CES1: variants seen among roughly 807,000 people sequenced by gnomAD.
CES1 encodes liver carboxylesterase 1.
Under a neutral mutation model 53.0 loss-of-function variants are expected in CES1, and 50 were observed. That is an observed-to-expected ratio of 0.94 (90% CI 0.75 to 1.19). CES1 has a LOEUF of 1.19. Ranked by LOEUF, CES1 falls within the 50% of genes most tolerant of loss-of-function variation. The probability of loss-of-function intolerance (pLI) is 0.00; values close to 1 mark genes in which losing one functional copy is unlikely to be tolerated. For synonymous variants in CES1, 202 were observed against 210.1 expected (o/e 0.96, Z 0.33); for missense variants, 534 against 538.0 (o/e 0.99, Z 0.07).
chr16:55,832,867 A>G, intron 1 of CES1, 137 bp downstream of exon 1: 1 of 869,204 alleles, frequency 1.2e-6, no homozygotes, highest in Non-Finnish European at 1.9e-6. Context: ...CTCCAAGTCC[A>G]AGTCCTAATA....
At chr16:55,814,635 C>A (rs1410419781) in intron 8 of CES1, among the ~76,000 whole-genome samples, 1 of 152,228 alleles carries the variant, frequency 6.6e-6, no homozygotes, top group African/African-American at 2.4e-5. Context: ...GTGGGTCCCT[C>A]TCATAGACAC....
intron 4 of CES1, among the ~76,000 whole-genome samples, chr16:55,823,096 A>C (rs1876477744): frequency 6.6e-6 from 1 of 152,000 alleles, no homozygotes; most frequent in Non-Finnish European, 1.5e-5. Flanking sequence ...CACCATCTGC[A>C]GCCCCCATTC....
At chr16:55,817,360 C>G (rs1269335656) in intron 7 of CES1, among the ~76,000 whole-genome samples, 5 of 152,180 alleles carry the variant, frequency 3.3e-5, no homozygotes, top group Non-Finnish European at 5.9e-5. Context: ...CTGGACCCAG[C>G]CATGCCTGAA....
chr16:55,823,236 G>T (rs1421613095), intron 4 of CES1, among the ~76,000 whole-genome samples: 3 of 151,958 alleles, frequency 2.0e-5, no homozygotes, highest in Non-Finnish European at 4.4e-5. Context: ...AAAGCAATGT[G>T]CTGGAGAAAC....
At chr16:55,812,589 C>T (rs1296937027) in intron 9 of CES1, among the ~76,000 whole-genome samples, 3 of 152,180 alleles carry the variant, frequency 2.0e-5, no homozygotes, top group Non-Finnish European at 4.4e-5. Flanking sequence ...TCCACTCCTT[C>T]CCCCTTCTAG....
chr16:55,819,209 C>T (rs1373265312), intron 7 of CES1, among the ~76,000 whole-genome samples: 1 of 152,220 alleles, frequency 6.6e-6, no homozygotes, highest in African/African-American at 2.4e-5. Context: ...TTAATATCTC[C>T]ATCCCCCAAA....
chr16:55,825,060 C>G (rs2032362540), intron 3 of CES1, among the ~76,000 whole-genome samples: 1 of 152,206 alleles, frequency 6.6e-6, no homozygotes, highest in East Asian at 1.9e-4. Flanking sequence ...TATGTCTCTA[C>G]AGCCCAGAAG....
chr16:55,817,758 CTG>C (rs370816548), intron 7 of CES1, among the ~76,000 whole-genome samples: 10 of 145,752 alleles, frequency 6.9e-5, no homozygotes, highest in African/African-American at 2.2e-4. Context: ...GTGTGTGTGT[CTG>C]TGTGTGTGTG....
At chr16:55,813,365 A>G (rs1291782138) in intron 8 of CES1, among the ~76,000 whole-genome samples, 1 of 152,034 alleles carries the variant, frequency 6.6e-6, no homozygotes, top group Non-Finnish European at 1.5e-5. Context: ...TCCACAATTG[A>G]TTTTCGGTAG....
intron 3 of CES1, among the ~76,000 whole-genome samples, chr16:55,825,453 A>C (rs2032380188): frequency 6.6e-6 from 1 of 152,226 alleles, no homozygotes; most frequent in Non-Finnish European, 1.5e-5. Context: ...TTTATTTGGG[A>C]AATTCTGACT....
chr16:55,816,120 A>T lies in CES1; in HGVS notation c.945+804T>A, dbSNP rs2031932804. The stretch of plus-strand genomic sequence containing the variant: ...CATTGAACCATTCCCTGATCCTGCT[A>T]CTTAAATTGAAGCCACCCACAAACT... On this transcript the variant is annotated intron_variant, in intron 8 of 13. Coordinates refer to ENST00000360526, the MANE Select transcript of CES1 (RefSeq NM_001025195.2). 3.3e-5 allele frequency among the ~76,000 whole-genome samples: 5 copies of T among 152,390 alleles called. No individual in the cohort carries two copies. The South Asian group carries it at 1.0e-3, about 32-fold the overall frequency.
At chr16:55,821,291 T>A in intron 5 of CES1, 77 bp downstream of exon 5, 1 of 1,569,138 alleles carries the variant, frequency 6.4e-7, no homozygotes, top group Non-Finnish European at 8.8e-7. Flanking sequence ...TATCCATAGC[T>A]GGATTGACAG....
At chr16:55,810,473 G>A (rs762030605) in intron 11 of CES1, 44 bp downstream of exon 11, 2 of 1,613,218 alleles carry the variant, frequency 1.2e-6, no homozygotes, top group Non-Finnish European at 8.5e-7. Context: ...AGATACAGAA[G>A]CTCGTGGGGT....
At chr16:55,826,410 G>A (rs1483326001) in intron 2 of CES1, 115 bp from the exon 3 acceptor site, 18 of 1,292,964 alleles carry the variant, frequency 1.4e-5, no homozygotes, top group Admixed American at 3.4e-5. Context: ...GATAGTTACA[G>A]ACTCACGACA....
intron 8 of CES1, among the ~76,000 whole-genome samples, chr16:55,813,838 C>T (rs1374227962): frequency 1.3e-5 from 2 of 152,222 alleles, no homozygotes; most frequent in Non-Finnish European, 2.9e-5. Flanking sequence ...ACACACGGCA[C>T]TAAATAGACC....
intron 11 of CES1, among the ~76,000 whole-genome samples, chr16:55,810,191 C>A (rs553302315): frequency 1.1e-4 from 16 of 152,250 alleles, no homozygotes; most frequent in South Asian, 2.1e-4. Context: ...TGAGTTTCCC[C>A]GCTCCAGTTG....
chr16:55,820,904 G>T (rs1375951397), intron 5 of CES1, among the ~76,000 whole-genome samples: 2 of 152,114 alleles, frequency 1.3e-5, no homozygotes, highest in Non-Finnish European at 2.9e-5. Context: ...GGAATTCCCA[G>T]CCTGCTCAGT....
chr16:55,811,666 G>C (rs1488252566), intron 9 of CES1, among the ~76,000 whole-genome samples: 1 of 152,148 alleles, frequency 6.6e-6, no homozygotes, highest in Admixed American at 6.5e-5. Context: ...AATTTACTCT[G>C]CTCCAGCCAA....
At position 55,810,571 on chromosome 16, in the gene CES1, T is replaced by G; in HGVS notation, c.1264A>C (p.Ile422Leu). 1 of 1,614,170 alleles carries G rather than the reference T, an allele frequency of 6.2e-7. No individual in the cohort carries two copies. Among genetic ancestry groups the G allele is most frequent in the South Asian group, 1.1e-5 (1 of 91,084 alleles). The change falls in exon 11 of 14, where the codon ATA (isoleucine) becomes CTA (leucine). Residue 422 changes from isoleucine to leucine, a missense_variant. Physicochemically the swap from Ile to Leu is conservative, Grantham distance 5. Transcript: ENST00000360526. The part of the protein sequence containing the change: ...VKKKDLFLDL[I>L]ADVMFGVPSV... ...GGGACACCAAACATCACATCTGCTA[T>G]CAAGTCCAGGAACAGGTCTTTCTTT...
Sources: gnomAD v4.1 joint callset for allele counts (sites outside exome capture counted in the v4.1 genomes callset) on GRCh38, gnomAD v4.1.1 for gene constraint, MANE v1.5 for transcripts, NCBI Gene and HGNC (gene_info 2026-07-23, HGNC 2026-07-21) for gene names.